The following ACOXL variants were observed in gnomAD, a reference collection of about 807,000 sequenced individuals.
The protein encoded by ACOXL is acyl-coenzyme A oxidase-like protein.
Under a neutral mutation model 71.9 loss-of-function variants are expected in ACOXL, and 70 were observed. That is an observed-to-expected ratio of 0.97 (90% CI 0.80 to 1.19). ACOXL has a LOEUF of 1.19. Ranked by LOEUF, ACOXL falls within the 50% of genes most tolerant of loss-of-function variation. The pLI, the probability that ACOXL is intolerant of heterozygous loss-of-function variation, is 0.00. For synonymous variants in ACOXL, 253 were observed against 281.6 expected, an observed-to-expected ratio of 0.90 and a Z score of 1.02; for missense variants, 703 against 736.3, an observed-to-expected ratio of 0.95 and a Z score of 0.52.
At chr2:110,834,750 C>T (rs1305626321) in intron 9 of ACOXL, among the ~76,000 whole-genome samples, 2 of 152,222 alleles carry the variant, frequency 1.3e-5, no homozygotes, top group Non-Finnish European at 2.9e-5. Flanking sequence ...AGAGGTGGTT[C>T]TCTGACCACC....
chr2:110,889,806 T>C (rs1482455330), intron 10 of ACOXL, among the ~76,000 whole-genome samples: 5 of 152,228 alleles, frequency 3.3e-5, no homozygotes, highest in African/African-American at 9.6e-5. Flanking sequence ...TCAACAGTCA[T>C]GCATGTTTTT....
At chr2:110,754,843 T>C (rs1320296631) in intron 1 of ACOXL, among the ~76,000 whole-genome samples, 4 of 152,184 alleles carry the variant, frequency 2.6e-5, no homozygotes, top group Non-Finnish European at 5.9e-5. Flanking sequence ...TCTCCTAGGG[T>C]GTATACCTGG....
intron 14 of ACOXL, among the ~76,000 whole-genome samples, chr2:111,031,043 T>C (rs529301363): frequency 1.4e-4 from 21 of 152,370 alleles, no homozygotes; most frequent in Non-Finnish European, 2.6e-4. Flanking sequence ...AAGACTATCT[T>C]GCACAGAGTA....
chr2:111,073,720 C>A (rs896679859), intron 16 of ACOXL, among the ~76,000 whole-genome samples: 2 of 152,072 alleles, frequency 1.3e-5, no homozygotes, highest in Non-Finnish European at 2.9e-5. Flanking sequence ...TCATCTTTGG[C>A]AAATTGTTTT....
chr2:111,093,581 C>T (rs996425500), intron 17 of ACOXL: 3 of 1,596,836 alleles, frequency 1.9e-6, no homozygotes, highest in Non-Finnish European at 1.7e-6. Flanking sequence ...AACATAAATA[C>T]TGGCCAGGTG....
chr2:110,905,989 T>G (rs2059426310), intron 10 of ACOXL, among the ~76,000 whole-genome samples: 1 of 152,024 alleles, frequency 6.6e-6, no homozygotes, highest in Admixed American at 6.6e-5. Flanking sequence ...AAAGAGGAAC[T>G]GTGAGGGTCA....
chr2:111,060,112 G>A (rs910294312), intron 16 of ACOXL, among the ~76,000 whole-genome samples: 1 of 152,144 alleles, frequency 6.6e-6, no homozygotes, highest in African/African-American at 2.4e-5. Context: ...TGTCAGAGGA[G>A]GCCTAGTAGG....
At chr2:110,745,051 G>A (rs1457352248) in intron 1 of ACOXL, among the ~76,000 whole-genome samples, 1 of 152,198 alleles carries the variant, frequency 6.6e-6, no homozygotes. Flanking sequence ...AGGTTAATGC[G>A]AGTTGGTTTT....
chr2:110,936,073 G>T (rs1236810851), intron 12 of ACOXL, among the ~76,000 whole-genome samples: 1 of 152,042 alleles, frequency 6.6e-6, no homozygotes, highest in African/African-American at 2.4e-5. Context: ...TTGCTGTGTG[G>T]CCCGGTTCCT....
intron 10 of ACOXL, among the ~76,000 whole-genome samples, chr2:110,844,136 T>C (rs1462686334): frequency 6.6e-6 from 1 of 152,216 alleles, no homozygotes; most frequent in Non-Finnish European, 1.5e-5. Context: ...GCATGAGGGC[T>C]TTCTAGGCTT....
At chr2:110,938,600 A>G (rs1395454370) in intron 12 of ACOXL, among the ~76,000 whole-genome samples, 2 of 152,232 alleles carry the variant, frequency 1.3e-5, no homozygotes, top group Non-Finnish European at 2.9e-5. Flanking sequence ...GTTGTGTGGA[A>G]TATTCAGGAG....
chr2:110,956,386 A>G (rs1288852122), intron 12 of ACOXL, among the ~76,000 whole-genome samples: 1 of 152,166 alleles, frequency 6.6e-6, no homozygotes, highest in Non-Finnish European at 1.5e-5. Flanking sequence ...CACTCTGTCC[A>G]GCGAATAAGT....
chr2:111,081,131 C>T (rs1454844039), intron 16 of ACOXL, among the ~76,000 whole-genome samples: 2 of 152,214 alleles, frequency 1.3e-5, no homozygotes, highest in African/African-American at 4.8e-5. Flanking sequence ...TGCCCTCTCT[C>T]ACCACTCCTA....
At chr2:111,031,007 A>C (rs1236526128) in intron 14 of ACOXL, among the ~76,000 whole-genome samples, 2 of 152,214 alleles carry the variant, frequency 1.3e-5, no homozygotes, top group Non-Finnish European at 2.9e-5. Context: ...GCAAAGAAAA[A>C]AGACTCGCTT....
chr2:110,746,039 C>G (rs1038106442), intron 1 of ACOXL, among the ~76,000 whole-genome samples: 3 of 152,140 alleles, frequency 2.0e-5, no homozygotes, highest in Non-Finnish European at 4.4e-5. Flanking sequence ...AGTCTCTTCT[C>G]TGTATCCTCT....
chr2:110,863,599 C>G (rs761377056), intron 10 of ACOXL, among the ~76,000 whole-genome samples: 13 of 152,118 alleles, frequency 8.5e-5, no homozygotes, highest in Non-Finnish European at 1.2e-4. Context: ...GAGCACCCCC[C>G]CCAACTGGTT....
intron 12 of ACOXL, among the ~76,000 whole-genome samples, chr2:110,936,036 G>A (rs1211769868): frequency 2.0e-5 from 3 of 152,094 alleles, no homozygotes. Flanking sequence ...AGCTCAGGCA[G>A]TAATACTTGC....
chr2:110,945,188 A>G (rs1389929823), intron 12 of ACOXL, among the ~76,000 whole-genome samples: 1 of 152,084 alleles, frequency 6.6e-6, no homozygotes, highest in African/African-American at 2.4e-5. Flanking sequence ...ACTTTTTAAC[A>G]GAATTGTTTG....
At chr2:110,768,528 G>T in intron 2 of ACOXL, 64 bp downstream of exon 2, 1 of 1,481,184 alleles carries the variant, frequency 6.8e-7, no homozygotes, top group South Asian at 1.2e-5. Flanking sequence ...GAGAGAGAGA[G>T]AGAGAGAGAG....
Sources: gnomAD v4.1 joint callset for allele counts (sites outside exome capture counted in the v4.1 genomes callset) on GRCh38, gnomAD v4.1.1 for gene constraint, MANE v1.5 for transcripts, NCBI Gene and HGNC (gene_info 2026-07-23, HGNC 2026-07-21) for gene names.